The following CLMN variants were observed in gnomAD, a reference collection of about 807,000 sequenced individuals.
CLMN encodes calmin.
In CLMN, 57 loss-of-function variants were observed where a neutral mutation model predicts 92.7. The ratio of observed to expected loss-of-function variants is 0.61; its 90% CI spans 0.50 to 0.77. CLMN has a LOEUF of 0.77. Ranked by LOEUF, CLMN falls within the 30% of genes least tolerant of loss-of-function variation. The pLI is 0.00. For synonymous variants in CLMN, 466 were observed against 470.6 expected, an observed-to-expected ratio of 0.99 and a Z score of 0.13; for missense variants, 1,158 against 1,237.5, an observed-to-expected ratio of 0.94 and a Z score of 0.96.
intron 1 of CLMN, among the ~76,000 whole-genome samples, chr14:95,269,166 C>A (rs1899607508): frequency 6.6e-6 from 1 of 152,068 alleles, no homozygotes; most frequent in African/African-American, 2.4e-5. Context: ...AATAAAAACT[C>A]TTCATCCACC....
chr14:95,191,526 G>T lies in CLMN; in HGVS notation c.*38C>A. 1.9e-6 allele frequency: 3 copies of T among 1,568,324 alleles called. No individual in the cohort carries two copies. The highest frequency in any genetic ancestry group is 2.6e-6 in the Non-Finnish European group (3 of 1,156,262). On this transcript the variant is annotated 3_prime_UTR_variant, in exon 13 of 13. Transcript: ENST00000298912. This position sits in a 1 kb window ranked among gnomAD's most constrained non-coding sequence, Gnocchi z 5.3. ...ATAAAATGAAGTAACCCCGCCCCTG[G>T]TCAGGGTCCTGTCTTTTTTATTATC...
chr14:95,215,711 G>C lies in CLMN; in HGVS notation c.347C>G (p.Ala116Gly). ...DSNVKLVSID[A>G]AEIADGNPSL... ...AGGGTTGCCATCTGCTATTTCTGCT[G>C]CATCAATGCTAACCAGTTTTACCTG... The change falls in exon 5 of 13, where the codon GCA (alanine) becomes GGA (glycine). Residue 116 changes from alanine to glycine, a missense_variant. Coordinates refer to ENST00000298912, the MANE Select transcript of CLMN (RefSeq NM_024734.4). 6.2e-7 allele frequency: 1 copy of C among 1,614,100 alleles called. No individual in the cohort carries two copies. Among genetic ancestry groups the C allele is most frequent in the South Asian group, 1.1e-5 (1 of 91,072 alleles).
intron 1 of CLMN, among the ~76,000 whole-genome samples, chr14:95,239,924 C>T (rs1465470579): frequency 6.6e-6 from 1 of 152,132 alleles, no homozygotes; most frequent in African/African-American, 2.4e-5. Flanking sequence ...TACAGGTATA[C>T]CATTCATTAT....
chr14:95,273,123 G>A (rs969208907), intron 1 of CLMN, among the ~76,000 whole-genome samples: 2 of 152,212 alleles, frequency 1.3e-5, no homozygotes, highest in African/African-American at 4.8e-5. Flanking sequence ...GTGAGGATGA[G>A]TCAGCCCTGC....
At position 95,259,404 on chromosome 14, in the gene CLMN, G is replaced by A. The variant is rs1248204779; in HGVS notation, c.83-29271C>T. Among the ~76,000 whole-genome samples the A allele has an allele frequency of 1.3e-5, 2 of 152,124 alleles. No individual in the cohort carries two copies. Among genetic ancestry groups the A allele is most frequent in the African/African-American group, 4.8e-5 (2 of 41,394 alleles). On this transcript the variant is annotated intron_variant, in intron 1 of 12. Coordinates refer to ENST00000298912, the MANE Select transcript of CLMN (RefSeq NM_024734.4). The surrounding 1 kb of genome is among the most constrained non-coding windows in gnomAD (Gnocchi z 4.3). ...GGCACCAGAACGGAGAAGGAAATGT[G>A]CGTGGACAAACCTCCGGGTTACCAG...
chr14:95,253,639 GTCTC>G (rs1357433162), intron 1 of CLMN, among the ~76,000 whole-genome samples: 2 of 148,682 alleles, frequency 1.3e-5, no homozygotes, highest in Non-Finnish European at 3.0e-5. Context: ...TTGAGACAGA[GTCTC>G]TCTCTGTTGC....
intron 2 of CLMN, among the ~76,000 whole-genome samples, chr14:95,227,422 C>T (rs866887005): frequency 1.3e-5 from 2 of 152,136 alleles, no homozygotes; most frequent in African/African-American, 4.8e-5. Context: ...CTGAGCATGA[C>T]GGGATCAGGT....
intron 12 of CLMN, chr14:95,192,020 G>C (rs1896575014): frequency 3.5e-6 from 1 of 288,986 alleles, no homozygotes; most frequent in Non-Finnish European, 6.4e-6. Context: ...GAGGCTTTCG[G>C]GGTGGAGTGA....
intron 1 of CLMN, among the ~76,000 whole-genome samples, chr14:95,277,563 G>T (rs1282675941): frequency 1.3e-5 from 2 of 152,214 alleles, no homozygotes; most frequent in Admixed American, 6.5e-5. Flanking sequence ...CTTCTGGGGA[G>T]GTCAATGGAG....
chr14:95,316,689 T>C (rs969770169), intron 1 of CLMN, among the ~76,000 whole-genome samples: 1 of 152,226 alleles, frequency 6.6e-6, no homozygotes, highest in Non-Finnish European at 1.5e-5. Flanking sequence ...CTTAAACTTA[T>C]GGATATATGG....
In CLMN at chr14:95,213,345, C is replaced by T; in HGVS notation, c.482G>A (p.Gly161Glu). The change falls in exon 6 of 13, where the codon GGG (glycine) becomes GAG (glutamate). Residue 161 changes from glycine to glutamate, a missense_variant. Transcript: ENST00000298912. ...GAAGGATGAGTCTGAGTCTGTGCCC[C>T]CTGAGCCAGGGGACAAGCTGGAAGA... is the stretch of plus-strand genomic sequence containing the variant. ...SPSSSLSPGS[G>E]GTDSDSSFPP... The T allele has an allele frequency of 6.2e-7, 1 of 1,613,296 alleles. No individual in the cohort carries two copies. Among genetic ancestry groups the T allele is most frequent in the African/African-American group, 1.3e-5 (1 of 74,986 alleles).
At chr14:95,245,254 A>ATAAT (rs1491364370) in intron 1 of CLMN, among the ~76,000 whole-genome samples, 1 of 27,976 alleles carries the variant, frequency 3.6e-5, no homozygotes, top group African/African-American at 2.1e-4. Flanking sequence ...ATATATATAT[A>ATAAT]ATATATATAT....
At chr14:95,228,477 T>C (rs1424544087) in intron 2 of CLMN, among the ~76,000 whole-genome samples, 1 of 151,928 alleles carries the variant, frequency 6.6e-6, no homozygotes, top group Admixed American at 6.6e-5. Flanking sequence ...ACGTCAGGAG[T>C]GGAGGTGTGG....
At chr14:95,206,608 G>A (rs977185896) in intron 8 of CLMN, among the ~76,000 whole-genome samples, 3 of 152,202 alleles carry the variant, frequency 2.0e-5, no homozygotes, top group Non-Finnish European at 2.9e-5. Context: ...ACAGTTCACT[G>A]CGTGTCTGGA....
intron 2 of CLMN, 80 bp downstream of exon 2, chr14:95,229,992 G>C (rs1486474905): frequency 7.5e-7 from 1 of 1,334,718 alleles, no homozygotes; most frequent in Non-Finnish European, 1.1e-6. Context: ...CAGGTCACCA[G>C]CTCCCCCTCC....
At chr14:95,292,185 G>T (rs1422779890) in intron 1 of CLMN, among the ~76,000 whole-genome samples, 1 of 152,056 alleles carries the variant, frequency 6.6e-6, no homozygotes, top group Admixed American at 6.5e-5. Context: ...GTTAAAACTC[G>T]ACACATTCAC....
intron 1 of CLMN, among the ~76,000 whole-genome samples, chr14:95,281,792 G>A (rs991300347): frequency 6.6e-6 from 1 of 152,194 alleles, no homozygotes; most frequent in African/African-American, 2.4e-5. Flanking sequence ...TGCAAGATAA[G>A]CTTACTCAAC....
In CLMN at chr14:95,229,499, A is replaced by G. The variant is rs140964990; in HGVS notation, c.144+573T>C. Among the ~76,000 whole-genome samples, 101 of 152,288 alleles carry G rather than the reference A, an allele frequency of 6.6e-4. No homozygotes were observed. The East Asian group carries it at 0.019, about 29-fold the overall frequency. Reference sequence around the variant, plus strand: ...GCCATGGAAAGTTCAGGAAAGCCACATTATGTCTCCGTGCCTCTGTTTCCT... The same window carrying G: ...GCCATGGAAAGTTCAGGAAAGCCACGTTATGTCTCCGTGCCTCTGTTTCCT... On this transcript the variant is annotated intron_variant, in intron 2 of 12. Transcript: ENST00000298912.
chr14:95,303,569 A>G (rs1901149592), intron 1 of CLMN, among the ~76,000 whole-genome samples: 3 of 152,216 alleles, frequency 2.0e-5, no homozygotes, highest in Admixed American at 2.0e-4. Flanking sequence ...CGGATGAACC[A>G]AAGTGTGCGG....
Sources: allele counts gnomAD v4.1 joint callset (sites outside exome capture counted in the v4.1 genomes callset), GRCh38; gene constraint gnomAD v4.1.1; non-coding constraint Gnocchi (gnomAD v3.1); transcripts MANE v1.5; gene names NCBI Gene and HGNC (gene_info 2026-07-23, HGNC 2026-07-21).